Variants in FREM2 observed in about 807,000 individuals in gnomAD.
FREM2 encodes the protein FRAS1-related extracellular matrix protein 2.
Under a neutral mutation model 219.9 loss-of-function variants are expected in FREM2, and 119 were observed. The observed-to-expected ratio is 0.54, with a 90% CI of 0.47 to 0.63. The LOEUF (loss-of-function observed/expected upper bound fraction) is 0.63. Ranked by LOEUF, FREM2 falls within the 30% of genes least tolerant of loss-of-function variation. The probability of loss-of-function intolerance (pLI) is 0.00; values close to 1 mark genes in which losing one functional copy is unlikely to be tolerated. For synonymous variants in FREM2, 1,562 were observed against 1,522.8 expected (o/e 1.03, Z -0.60); for missense variants, 4,030 against 3,993.6 (o/e 1.01, Z -0.25).
Position 38,688,572 on chromosome 13 carries a change from C to T in FREM2, c.1228C>T (p.Leu410=). 6.2e-7 allele frequency: 1 copy of T among 1,613,542 alleles called. No homozygotes were observed. The highest frequency in any genetic ancestry group is 8.5e-7 in the Non-Finnish European group (1 of 1,179,626). The change falls in exon 1 of 24, where the codon CTG becomes TTG. Residue 410 remains leucine (L), a synonymous_variant. Transcript: ENST00000280481. ...CTCTGACCAGGAGCGCCTCTTTGAA[C>T]TGGAATTGGAGGTAGTGGATCTAGA... The part of the protein sequence containing the change: ...EDSDQERLFE[L]ELEVVDLEGA...
At chr13:38,774,733 C>T (rs562184771) in intron 4 of FREM2, among the ~76,000 whole-genome samples, 26 of 152,176 alleles carry the variant, frequency 1.7e-4, no homozygotes, top group Admixed American at 5.2e-4. Flanking sequence ...TCTTTTTTGA[C>T]TTAGTAATTT....
intron 6 of FREM2, among the ~76,000 whole-genome samples, chr13:38,817,593 A>C (rs1361121920): frequency 6.6e-6 from 1 of 152,092 alleles, no homozygotes; most frequent in Non-Finnish European, 1.5e-5. Flanking sequence ...TTAGTGTAAA[A>C]TCTGAAGCTA....
rs376122266 is a variant in FREM2 at position 38,690,495 on chromosome 13, C to T, written c.3151C>T (p.Gln1051Ter). The T allele has an allele frequency of 3.1e-6, 5 of 1,614,138 alleles. No individual in the cohort carries two copies. In the Admixed American group the frequency reaches 8.3e-5, roughly 27 times the overall value. The change falls in exon 1 of 24, where the codon CAA becomes TAA. Residue 1051 changes from glutamine (Q) to a stop codon, truncating the protein, a stop_gained. Transcript: ENST00000280481. LOFTEE classifies it high-confidence loss of function. ...QEWRIGGNTI[Q>*]GVTIWVTILP... ...ATGGAGAATTGGTGGCAATACTATC[C>T]AAGGAGTTACTATATGGGTGACCAT...
chr13:38,817,386 A>T (rs997739876), intron 6 of FREM2, among the ~76,000 whole-genome samples: 2 of 152,138 alleles, frequency 1.3e-5, no homozygotes, highest in African/African-American at 4.8e-5. Context: ...ATGGAATAGA[A>T]TATAGAACCC....
chr13:38,822,152 T>G (rs1440992994), intron 6 of FREM2: 1 of 152,108 alleles, frequency 6.6e-6, no homozygotes, highest in East Asian at 1.9e-4. Flanking sequence ...TGTGTACCTT[T>G]TTAAAAAGCA....
At position 38,747,486 on chromosome 13, in the gene FREM2, A is replaced by G. The variant is rs573817616; in HGVS notation, c.5264-16818A>G. The stretch of plus-strand genomic sequence containing the variant: ...TGGTGAGTGTGTATATGTATAATAT[A>G]TATACACAAATACACACACACACAC... On this transcript the variant is annotated intron_variant, in intron 2 of 23. Transcript: ENST00000280481. Among the ~76,000 whole-genome samples the G allele has an allele frequency of 2.5e-3, 320 of 127,604 alleles. 1 individual carries two copies. The highest frequency in any genetic ancestry group is 9.6e-3 in the African/African-American group (306 of 31,880). The allele number at this position is 127,604 out of a possible 152,430, so 83.7% of individuals were successfully genotyped here. A position where few individuals can be genotyped will look rare whatever the true frequency, so the allele number is the denominator to read the frequency against.
In FREM2 at chr13:38,689,908, A is replaced by G. The variant is rs1052425955; in HGVS notation, c.2564A>G (p.Asn855Ser). The change falls in exon 1 of 24, where the codon AAT becomes AGT. Residue 855 changes from asparagine (N) to serine (S), a missense_variant. By Grantham distance (46) the Asn-to-Ser change is conservative. Transcript: ENST00000280481. Reference protein sequence around the residue: ...HILSETELHVNDVDTDVAHIS... With the variant: ...HILSETELHVSDVDTDVAHIS... ...CTGAGTGAGACAGAGTTGCACGTGAATGATGTAGACACTGATGTTGCCCAT... is the reference window on the plus strand; with the variant it reads ...CTGAGTGAGACAGAGTTGCACGTGAGTGATGTAGACACTGATGTTGCCCAT... 42 of 1,614,048 alleles carry G rather than the reference A, an allele frequency of 2.6e-5. No homozygotes were observed. Among genetic ancestry groups the G allele is most frequent in the Non-Finnish European group, 3.5e-5 (41 of 1,180,044 alleles).
At chr13:38,754,898 G>GATTATTATTATTATT (rs770487106) in intron 2 of FREM2, among the ~76,000 whole-genome samples, 1,543 of 122,654 alleles carry the variant, frequency 0.013, 7 homozygotes, top group East Asian at 0.028. Context: ...TGATGATGAT[G>GATTATTATTATTATT]ATGATTATTA....
At chr13:38,746,527 A>G (rs941488723) in intron 2 of FREM2, among the ~76,000 whole-genome samples, 4 of 152,196 alleles carry the variant, frequency 2.6e-5, no homozygotes, top group Admixed American at 6.6e-5. Flanking sequence ...TAAGTTACCT[A>G]AGAGGAATGG....
intron 2 of FREM2, among the ~76,000 whole-genome samples, chr13:38,720,609 G>A (rs539634096): frequency 6.6e-6 from 1 of 152,294 alleles, no homozygotes; most frequent in African/African-American, 2.4e-5. Flanking sequence ...AGCTAGACCA[G>A]GTCAAGGGCA....
chr13:38,778,521 C>A (rs1293374554), intron 4 of FREM2, among the ~76,000 whole-genome samples: 1 of 152,164 alleles, frequency 6.6e-6, no homozygotes, highest in Admixed American at 6.5e-5. Flanking sequence ...AATACCACTG[C>A]CTTGGGGATT....
At chr13:38,723,295 T>G (rs1275266875) in intron 2 of FREM2, among the ~76,000 whole-genome samples, 1 of 152,076 alleles carries the variant, frequency 6.6e-6, no homozygotes, top group Non-Finnish European at 1.5e-5. Context: ...CGTGGGAATG[T>G]GTCTATGTCA....
Position 38,688,640 on chromosome 13 carries a change from G to A in FREM2, c.1296G>A (p.Lys432=). The A allele has an allele frequency of 6.2e-7, 1 of 1,614,098 alleles. No individual in the cohort carries two copies. Among genetic ancestry groups the A allele is most frequent in the Non-Finnish European group, 8.5e-7 (1 of 1,179,948 alleles). ...CTTTTGCCTTCATGGTAGTGGTGAA[G>A]CCCATGAACACAATGGCTCCGGTGG... ...SDPFAFMVVV[K]PMNTMAPVVT... Residue 432 remains lysine, a synonymous_variant, in exon 1 of 24, where the codon AAG becomes AAA. Coordinates refer to ENST00000280481, the MANE Select transcript of FREM2 (RefSeq NM_207361.6).
intron 3 of FREM2, among the ~76,000 whole-genome samples, chr13:38,766,738 TA>T (rs1873451720): frequency 6.6e-6 from 1 of 152,214 alleles, no homozygotes; most frequent in Non-Finnish European, 1.5e-5. Context: ...TATTCCACAT[TA>T]GTATATGCAT....
At chr13:38,722,933 G>A (rs1048945033) in intron 2 of FREM2, among the ~76,000 whole-genome samples, 5 of 152,034 alleles carry the variant, frequency 3.3e-5, no homozygotes, top group African/African-American at 1.2e-4. Context: ...TTCGAGGTAT[G>A]CAAAACCCAG....
rs199711587 is a variant in FREM2, at chr13:38,864,094, G to A, written c.7652-181G>A. Among the ~76,000 whole-genome samples, 288 of 90,852 alleles carry A rather than the reference G, an allele frequency of 3.2e-3. 10 individuals carry two copies. In the East Asian group the frequency reaches 0.098, roughly 31 times the overall value. The allele number at this position is 90,852 out of a possible 152,430, so 59.6% of individuals were successfully genotyped here. A position where few individuals can be genotyped will look rare whatever the true frequency, so the allele number is the denominator to read the frequency against. On this transcript the variant is annotated intron_variant, in intron 15 of 23. Transcript: ENST00000280481. Reference sequence around the variant, plus strand: ...TCCACCCACCTAGACCTCCCAAAGTGCCGGGATTACAGGCATGAGCCACGT... The same window carrying A: ...TCCACCCACCTAGACCTCCCAAAGTACCGGGATTACAGGCATGAGCCACGT...
chr13:38,835,649 G>A (rs1876679552), intron 6 of FREM2, among the ~76,000 whole-genome samples: 1 of 152,192 alleles, frequency 6.6e-6, no homozygotes, highest in Admixed American at 6.5e-5. Context: ...TCTCCTTGAA[G>A]AGGTCCTTCA....
chr13:38,795,046 C>G (rs1003497568), intron 6 of FREM2, among the ~76,000 whole-genome samples: 1 of 152,020 alleles, frequency 6.6e-6, no homozygotes, highest in Non-Finnish European at 1.5e-5. Context: ...GTCTGCTTAC[C>G]TCAGATAACA....
At chr13:38,877,004 G>A (rs1217185282) in intron 20 of FREM2, 113 bp from the exon 21 acceptor site, 38 of 1,244,754 alleles carry the variant, frequency 3.1e-5, no homozygotes, top group African/African-American at 7.4e-5. Flanking sequence ...TGAAAATTGC[G>A]ATGCAGTGTT....
Sources: gnomAD v4.1 joint callset for allele counts (sites outside exome capture counted in the v4.1 genomes callset) on GRCh38, gnomAD v4.1.1 for gene constraint, MANE v1.5 for transcripts, NCBI Gene and HGNC (gene_info 2026-07-23, HGNC 2026-07-21) for gene names.